Variants in BOLL observed in about 807,000 individuals in gnomAD.
BOLL encodes boule RNA binding protein, also known as protein boule-like.
In BOLL, 23 loss-of-function variants were observed where a neutral mutation model predicts 44.4. That is an observed-to-expected ratio of 0.52 (90% CI 0.37 to 0.73). BOLL has a LOEUF of 0.73. Among genes scored for constraint, BOLL ranks in the 30% least tolerant of loss-of-function variants. The pLI is 0.00. For missense variants in BOLL, 287 were observed against 338.3 expected (o/e 0.85, Z 1.19); for synonymous variants, 97 against 110.8 (o/e 0.88, Z 0.78).
chr2:197,773,933 A>T (rs1000171752), intron 5 of BOLL: 8 of 383,994 alleles, frequency 2.1e-5, no homozygotes, highest in African/African-American at 1.5e-4. Context: ...ATGGAGATGG[A>T]AAGAAATGAC....
chr2:197,785,608 A>G (rs960855458), upstream of BOLL, among the ~76,000 whole-genome samples: 1 of 152,170 alleles, frequency 6.6e-6, no homozygotes, highest in Admixed American at 6.5e-5. The surrounding 1 kb of genome is among the most constrained non-coding windows in gnomAD (Gnocchi z 6.7). Context: ...GGCTGGGTCG[A>G]GTTCGGCCGC....
rs753383912 is a variant in BOLL, at chr2:197,766,600, G to A, written c.484C>T (p.Arg162Cys). The change falls in exon 7 of 11, where the codon CGT becomes TGT. Residue 162 changes from arginine to cysteine, a missense_variant. Physicochemically the swap from Arg to Cys is radical, Grantham distance 180 (BLOSUM62 -3). Transcript: ENST00000392296. The stretch of plus-strand genomic sequence containing the variant: ...ATCACAGGGGAGCTACATACAGAAC[G>A]TGACTATAAAAGGATGGAAAAAGAA... ...VTSVPPPWPS[R>C]SVCSSPVMVA... 79 of 1,611,112 alleles carry A rather than the reference G, an allele frequency of 4.9e-5. No individual in the cohort carries two copies. The highest frequency in any genetic ancestry group is 6.1e-5 in the Non-Finnish European group (72 of 1,178,200).
chr2:197,729,397 C>T (rs757075127), intron 10 of BOLL, among the ~76,000 whole-genome samples: 3 of 152,304 alleles, frequency 2.0e-5, no homozygotes, highest in South Asian at 2.1e-4. Flanking sequence ...GAGGGGCGCC[C>T]GCCATTGCCC....
chr2:197,745,030 T>C (rs942650292), intron 9 of BOLL, among the ~76,000 whole-genome samples: 1 of 152,184 alleles, frequency 6.6e-6, no homozygotes, highest in Non-Finnish European at 1.5e-5. Context: ...AAGCTAAGGA[T>C]GAGTTACGAT....
At chr2:197,775,099 T>G (rs1689448489) in intron 5 of BOLL, among the ~76,000 whole-genome samples, 2 of 151,832 alleles carry the variant, frequency 1.3e-5, no homozygotes, top group African/African-American at 4.8e-5. Context: ...ATGCCTAACT[T>G]AATAAGTAGA....
At chr2:197,755,554 T>C (rs1406302365) in intron 9 of BOLL, among the ~76,000 whole-genome samples, 2 of 152,214 alleles carry the variant, frequency 1.3e-5, no homozygotes, top group African/African-American at 2.4e-5. Flanking sequence ...CATGGAATGC[T>C]ATGCAGCCAT....
chr2:197,749,907 GAA>G (rs1231807755), intron 9 of BOLL, among the ~76,000 whole-genome samples: 1 of 152,074 alleles, frequency 6.6e-6, no homozygotes, highest in Non-Finnish European at 1.5e-5. Flanking sequence ...TACTCCTTGA[GAA>G]GAGTTTGGTG....
At chr2:197,751,029 A>G (rs987675650) in intron 9 of BOLL, among the ~76,000 whole-genome samples, 2 of 152,194 alleles carry the variant, frequency 1.3e-5, no homozygotes, top group Non-Finnish European at 2.9e-5. Flanking sequence ...AAACTGAACA[A>G]TCTGCTCCTG....
intron 7 of BOLL, among the ~76,000 whole-genome samples, chr2:197,761,161 A>T (rs1440372787): frequency 6.6e-6 from 1 of 152,142 alleles, no homozygotes; most frequent in Non-Finnish European, 1.5e-5. Flanking sequence ...TCTCTTAAAA[A>T]AAATTAGCAG....
chr2:197,753,136 C>T (rs930271242), intron 9 of BOLL, among the ~76,000 whole-genome samples: 1 of 152,138 alleles, frequency 6.6e-6, no homozygotes, highest in Admixed American at 6.5e-5. Flanking sequence ...TTCCTTACAC[C>T]TTATACAAAA....
At chr2:197,779,275 G>A (rs886876274) in intron 2 of BOLL, among the ~76,000 whole-genome samples, 1 of 151,936 alleles carries the variant, frequency 6.6e-6, no homozygotes, top group Non-Finnish European at 1.5e-5. Flanking sequence ...ATTACCATAT[G>A]CCAATAAAAA....
chr2:197,746,898 CGA>C (rs1491488841), intron 9 of BOLL, among the ~76,000 whole-genome samples: 2 of 70,894 alleles, frequency 2.8e-5, no homozygotes, highest in African/African-American at 1.3e-4. Flanking sequence ...GACTCTGTCT[CGA>C]AAAAAAAAAA....
intron 4 of BOLL, 125 bp downstream of exon 4, chr2:197,776,934 C>G: frequency 1.5e-6 from 1 of 659,230 alleles, no homozygotes; most frequent in Non-Finnish European, 2.4e-6. Context: ...TCCTAGAGAC[C>G]AATGCCAATC....
At chr2:197,734,075 C>T (rs1296931475) in intron 10 of BOLL, among the ~76,000 whole-genome samples, 10 of 150,994 alleles carry the variant, frequency 6.6e-5, no homozygotes, top group Admixed American at 6.6e-5. Context: ...TGACAAAGGG[C>T]TAATATCCAG....
chr2:197,760,240 G>A (rs1399417423), intron 7 of BOLL, among the ~76,000 whole-genome samples: 2 of 152,110 alleles, frequency 1.3e-5, no homozygotes. Context: ...AGCTCCGTGG[G>A]CCACCCCCAG....
chr2:197,755,088 G>A lies in BOLL; in HGVS notation c.729+1340C>T, dbSNP rs184377033. ...GAACCTCGTTAAAAAGTCGGCAAAG[G>A]ACACGAACAGACACTTCTCAAAAGA... On this transcript the variant is annotated intron_variant, in intron 9 of 10. Coordinates refer to ENST00000392296, the MANE Select transcript of BOLL (RefSeq NM_033030.6). Among the ~76,000 whole-genome samples, 9 of 152,176 alleles carry A rather than the reference G, an allele frequency of 5.9e-5. No individual in the cohort carries two copies. The East Asian group carries it at 1.7e-3, about 29-fold the overall frequency.
intron 1 of BOLL, among the ~76,000 whole-genome samples, chr2:197,782,137 T>G (rs1264234756): frequency 6.6e-6 from 1 of 152,128 alleles, no homozygotes; most frequent in African/African-American, 2.4e-5. Context: ...ACCTATTACT[T>G]AATTATTAAG....
intron 7 of BOLL, among the ~76,000 whole-genome samples, chr2:197,761,070 C>A (rs1398404827): frequency 6.6e-6 from 1 of 152,028 alleles, no homozygotes; most frequent in East Asian, 1.9e-4. Context: ...CTTGTAATCC[C>A]AGTGCTTTGG....
At chr2:197,777,285 T>G (rs192331363) in intron 3 of BOLL, among the ~76,000 whole-genome samples, 172 bp from the exon 4 acceptor site, 4 of 151,922 alleles carry the variant, frequency 2.6e-5, no homozygotes, top group Admixed American at 2.6e-4. Flanking sequence ...AGCCTAACAC[T>G]GTCACTTTTA....
Sources: gnomAD v4.1 joint callset for allele counts (sites outside exome capture counted in the v4.1 genomes callset) on GRCh38, gnomAD v4.1.1 for gene constraint, Gnocchi (gnomAD v3.1) non-coding constraint, MANE v1.5 for transcripts, NCBI Gene and HGNC (gene_info 2026-07-23, HGNC 2026-07-21) for gene names.